Variants in DIS3L2 observed in about 807,000 individuals in gnomAD.
DIS3L2 encodes the protein DIS3 like 3'-5' exoribonuclease 2, also known as DIS3-like exonuclease 2.
In DIS3L2, 34 loss-of-function variants were observed where a neutral mutation model predicts 97.5. The ratio of observed to expected loss-of-function variants is 0.35; its 90% confidence interval spans 0.27 to 0.46. The LOEUF is 0.46. DIS3L2 is among the 20% of genes least tolerant of loss of function. The probability of loss-of-function intolerance (pLI) is 1.00; values close to 1 mark genes in which losing one functional copy is unlikely to be tolerated. For missense variants in DIS3L2, 1,038 were observed against 1,146.0 expected, an observed-to-expected ratio of 0.91 and a Z score of 1.36; for synonymous variants, 435 against 445.2, an observed-to-expected ratio of 0.98 and a Z score of 0.29.
At chr2:232,079,293 A>C (rs559061108) in intron 5 of DIS3L2, among the ~76,000 whole-genome samples, 1 of 152,088 alleles carries the variant, frequency 6.6e-6, no homozygotes, top group Admixed American at 6.6e-5. Flanking sequence ...TGGTAAGTGC[A>C]AATGAAAATA....
intron 5 of DIS3L2, among the ~76,000 whole-genome samples, chr2:232,071,942 A>T (rs901385817): frequency 6.6e-6 from 1 of 152,190 alleles, no homozygotes; most frequent in African/African-American, 2.4e-5. Context: ...TGTCACTTAG[A>T]AGACCAGGGA....
intron 8 of DIS3L2, among the ~76,000 whole-genome samples, chr2:232,155,324 CCCT>C (rs1174782914): frequency 6.6e-6 from 1 of 152,062 alleles, no homozygotes; most frequent in African/African-American, 2.4e-5. Flanking sequence ...CTTTTGTCCT[CCCT>C]CCTCCTCACC....
At chr2:232,030,820 T>C (rs529881538) in intron 5 of DIS3L2, among the ~76,000 whole-genome samples, 1 of 152,306 alleles carries the variant, frequency 6.6e-6, no homozygotes, top group East Asian at 1.9e-4. Context: ...GTTTTATTTA[T>C]TTGAAGAATT....
intron 12 of DIS3L2, among the ~76,000 whole-genome samples, chr2:232,262,404 G>A (rs1325436884): frequency 2.0e-5 from 3 of 152,182 alleles, no homozygotes; most frequent in Non-Finnish European, 4.4e-5. Flanking sequence ...CACCTCAGTG[G>A]TAATCCCACC....
chr2:232,326,480 G>A (rs1409546630), intron 14 of DIS3L2, among the ~76,000 whole-genome samples: 1 of 152,162 alleles, frequency 6.6e-6, no homozygotes, highest in African/African-American at 2.4e-5. Flanking sequence ...CAGAGCCAGG[G>A]GTCAGCCCCA....
chr2:232,147,976 CCTCCCCTCCG>C (rs1234707248), intron 8 of DIS3L2, among the ~76,000 whole-genome samples: 3 of 124,144 alleles, frequency 2.4e-5, no homozygotes, highest in African/African-American at 6.1e-5. Flanking sequence ...CCTCCCCTCC[CCTCCCCTCCG>C]CTCCCCTCTT....
chr2:232,045,762 C>T (rs1441525625), intron 5 of DIS3L2, among the ~76,000 whole-genome samples: 1 of 151,030 alleles, frequency 6.6e-6, no homozygotes, highest in Non-Finnish European at 1.5e-5. Context: ...GCAACCTCCA[C>T]CTCCTGGGTT....
At chr2:232,176,769 T>A (rs1277158827) in intron 9 of DIS3L2, among the ~76,000 whole-genome samples, 1 of 149,358 alleles carries the variant, frequency 6.7e-6, no homozygotes, top group Non-Finnish European at 1.5e-5. Flanking sequence ...TTTTTAATTT[T>A]TTAATTAATT....
intron 14 of DIS3L2, among the ~76,000 whole-genome samples, chr2:232,308,217 C>T (rs1695035786): frequency 6.6e-6 from 1 of 152,184 alleles, no homozygotes; most frequent in Non-Finnish European, 1.5e-5. Context: ...CCCTGAATAC[C>T]TGCCTGATTG....
chr2:232,111,788 G>C (rs141732162), intron 6 of DIS3L2, among the ~76,000 whole-genome samples: 1 of 152,284 alleles, frequency 6.6e-6, no homozygotes, highest in African/African-American at 2.4e-5. Context: ...TGTGGTGTAA[G>C]TAGTTTCCTG....
chr2:232,255,550 C>T (rs1488404802), intron 12 of DIS3L2, among the ~76,000 whole-genome samples: 1 of 152,164 alleles, frequency 6.6e-6, no homozygotes, highest in Non-Finnish European at 1.5e-5. Flanking sequence ...AGCTAGTGCT[C>T]AGGCTTTTAG....
chr2:232,185,067 G>A lies in DIS3L2; in HGVS notation c.1124+21435G>A, dbSNP rs139040157. 6.6e-5 allele frequency among the ~76,000 whole-genome samples: 10 copies of A among 152,238 alleles called. No homozygotes were observed. In the East Asian group the frequency reaches 1.9e-3, roughly 29 times the overall value. ...TTAAATATGACTCTGTCTCTCTGAT[G>A]GGTAGCAAAGTTCTCATCAAGAGCA... is the stretch of plus-strand genomic sequence containing the variant. On this transcript the variant is annotated intron_variant, in intron 9 of 20. Transcript: ENST00000325385.
At chr2:232,025,779 G>A (rs1694639212) in intron 4 of DIS3L2, among the ~76,000 whole-genome samples, 2 of 152,196 alleles carry the variant, frequency 1.3e-5, no homozygotes, top group Non-Finnish European at 2.9e-5. Context: ...AAGGTGCTGT[G>A]TTGGAGACGG....
chr2:232,334,534 C>T (rs1377336285), intron 18 of DIS3L2, 35 bp downstream of exon 18: 1 of 1,611,868 alleles, frequency 6.2e-7, no homozygotes, highest in East Asian at 2.2e-5. Context: ...TCACCTCCCT[C>T]TGGCTCCCGA....
chr2:232,202,677 C>T (rs991742936), intron 9 of DIS3L2, among the ~76,000 whole-genome samples: 4 of 152,170 alleles, frequency 2.6e-5, no homozygotes, highest in African/African-American at 4.8e-5. Context: ...TTTCTACTGG[C>T]CATATGGCCT....
At chr2:232,311,520 G>T (rs1211760601) in intron 14 of DIS3L2, among the ~76,000 whole-genome samples, 6 of 151,924 alleles carry the variant, frequency 3.9e-5, no homozygotes, top group African/African-American at 1.2e-4. Flanking sequence ...GGGGCCCAGG[G>T]GTATGACACC....
intron 9 of DIS3L2, among the ~76,000 whole-genome samples, chr2:232,209,803 G>A (rs375336896): frequency 2.6e-5 from 4 of 152,224 alleles, no homozygotes; most frequent in African/African-American, 9.7e-5. Flanking sequence ...GGTGTACTTG[G>A]TATGAGCTTG....
intron 8 of DIS3L2, among the ~76,000 whole-genome samples, chr2:232,149,369 C>T (rs1334902699): frequency 9.2e-6 from 1 of 108,272 alleles, no homozygotes; most frequent in Admixed American, 9.9e-5. Context: ...CACCACAGTC[C>T]CCAGAGTGTG....
chr2:232,141,298 A>G (rs1047340993), intron 8 of DIS3L2, among the ~76,000 whole-genome samples: 3 of 152,166 alleles, frequency 2.0e-5, no homozygotes, highest in African/African-American at 4.8e-5. Context: ...CTTCTTGACT[A>G]TTTAAGGGTA....
Sources: gnomAD v4.1 joint callset for allele counts (sites outside exome capture counted in the v4.1 genomes callset) on GRCh38, gnomAD v4.1.1 for gene constraint, MANE v1.5 for transcripts, NCBI Gene and HGNC (gene_info 2026-07-23, HGNC 2026-07-21) for gene names.